The following TTC17 variants were observed in gnomAD, a reference collection of about 807,000 sequenced individuals.
The protein encoded by TTC17 is tetratricopeptide repeat domain 17, also known as tetratricopeptide repeat protein 17.
In TTC17, 58 loss-of-function variants were observed where a neutral mutation model predicts 143.8. The ratio of observed to expected loss-of-function variants is 0.40; its 90% CI spans 0.33 to 0.50. The LOEUF (loss-of-function observed/expected upper bound fraction) is 0.50, where lower values mean the gene tolerates loss of function less well. Ranked by LOEUF, TTC17 falls within the 20% of genes least tolerant of loss-of-function variation. TTC17 has a pLI of 0.49. For synonymous variants in TTC17, 501 were observed against 497.8 expected (o/e 1.01, Z -0.09); for missense variants, 1,273 against 1,392.5 (o/e 0.91, Z 1.37).
intron 1 of TTC17, among the ~76,000 whole-genome samples, chr11:43,364,405 A>C (rs1031689599): frequency 6.6e-6 from 1 of 152,154 alleles, no homozygotes; most frequent in Admixed American, 6.5e-5. Context: ...TCTGATGTTA[A>C]GTAATTTGGT....
chr11:43,380,004 T>C (rs1433285834), intron 2 of TTC17, among the ~76,000 whole-genome samples: 1 of 151,794 alleles, frequency 6.6e-6, no homozygotes, highest in Non-Finnish European at 1.5e-5. Flanking sequence ...GTAAATAAAC[T>C]GTAAGTTGTA....
At position 43,379,075 on chromosome 11, in the gene TTC17, T is replaced by G. The variant is rs1345769586; in HGVS notation, c.160-158T>G. 4.3e-6 allele frequency: 3 copies of G among 696,368 alleles called. No individual in the cohort carries two copies. The Admixed American group carries it at 8.1e-5, about 19-fold the overall frequency. 43.1% of individuals were successfully genotyped at this position (696,368 alleles called of 1,614,324 possible). On this transcript the variant is annotated intron_variant, in intron 1 of 23. Coordinates refer to ENST00000039989, the MANE Select transcript of TTC17 (RefSeq NM_018259.6). ...CACTTGTCATTCCCTTTGCTAACAT[T>G]TACATGTGATCACTTTGAAATACTC... is the stretch of plus-strand genomic sequence containing the variant.
At chr11:43,465,835 T>C (rs924427951) in intron 21 of TTC17, among the ~76,000 whole-genome samples, 2 of 151,208 alleles carry the variant, frequency 1.3e-5, no homozygotes, top group Non-Finnish European at 2.9e-5. Flanking sequence ...TGTACAACTC[T>C]TGGAAGAAAA....
intron 1 of TTC17, among the ~76,000 whole-genome samples, chr11:43,361,654 C>T (rs142190029): frequency 2.6e-5 from 4 of 152,320 alleles, no homozygotes; most frequent in Non-Finnish European, 2.9e-5. Flanking sequence ...ATTGTAAAGT[C>T]AAGAAATTAT....
intron 16 of TTC17, among the ~76,000 whole-genome samples, chr11:43,434,094 C>G (rs1416582732): frequency 2.0e-5 from 3 of 151,980 alleles, no homozygotes; most frequent in African/African-American, 7.2e-5. Context: ...TCTGTCCTGT[C>G]ATAGGAGAAT....
intron 21 of TTC17, among the ~76,000 whole-genome samples, chr11:43,453,376 A>G (rs922916888): frequency 6.7e-6 from 1 of 149,814 alleles, no homozygotes; most frequent in Non-Finnish European, 1.5e-5. Context: ...ATCTTGGAAG[A>G]AAAAAAAAAG....
chr11:43,449,787 C>CTA (rs1947621218), intron 19 of TTC17: 1 of 311,800 alleles, frequency 3.2e-6, no homozygotes, highest in Non-Finnish European at 6.0e-6. Context: ...GGCTGTATCT[C>CTA]TATAAGATTT....
At chr11:43,407,062 T>A in intron 13 of TTC17, 76 bp from the exon 14 acceptor site, 1 of 969,000 alleles carries the variant, frequency 1.0e-6, no homozygotes, top group South Asian at 1.6e-5. Context: ...AAGAAAAGAC[T>A]GCCATCTATA....
At chr11:43,360,663 A>G (rs61883521) in intron 1 of TTC17, among the ~76,000 whole-genome samples, 26,017 of 152,034 alleles carry the variant, frequency 0.17, 2,933 homozygotes, top group Non-Finnish European at 0.24. Context: ...GCTGGTAGAA[A>G]TGTTTTATGT....
intron 16 of TTC17, among the ~76,000 whole-genome samples, chr11:43,415,749 T>TC (rs1946764289): frequency 6.6e-6 from 1 of 152,182 alleles, no homozygotes; most frequent in African/African-American, 2.4e-5. Context: ...TGATAGACGG[T>TC]AAGTAGTGCT....
chr11:43,379,613 TC>T (rs1856889075), intron 2 of TTC17, among the ~76,000 whole-genome samples: 1 of 152,176 alleles, frequency 6.6e-6, no homozygotes, highest in African/African-American at 2.4e-5. Flanking sequence ...TTAAGTTTTT[TC>T]CATCAAATAT....
intron 2 of TTC17, among the ~76,000 whole-genome samples, chr11:43,384,625 C>T (rs560022516): frequency 6.6e-6 from 1 of 152,150 alleles, no homozygotes; most frequent in Non-Finnish European, 1.5e-5. Context: ...CACCACTGCA[C>T]TCTAGCAGCC....
chr11:43,389,293 G>A (rs903699601), intron 2 of TTC17, among the ~76,000 whole-genome samples: 2 of 152,178 alleles, frequency 1.3e-5, no homozygotes, highest in Non-Finnish European at 2.9e-5. Flanking sequence ...GGTACCAATA[G>A]CAACATGTAC....
At chr11:43,470,054 T>C (rs1287414210) in intron 21 of TTC17, among the ~76,000 whole-genome samples, 1 of 152,114 alleles carries the variant, frequency 6.6e-6, no homozygotes, top group Non-Finnish European at 1.5e-5. Context: ...CGGTAACATC[T>C]TCCAAAGTAA....
chr11:43,409,230 T>C (rs1012487808), intron 15 of TTC17, among the ~76,000 whole-genome samples: 1 of 152,242 alleles, frequency 6.6e-6, no homozygotes, highest in African/African-American at 2.4e-5. Context: ...TGAATTGATA[T>C]GCCACAACCT....
intron 21 of TTC17, among the ~76,000 whole-genome samples, chr11:43,458,049 C>T (rs910706510): frequency 6.6e-6 from 1 of 152,226 alleles, no homozygotes; most frequent in East Asian, 1.9e-4. Context: ...ATTTCTGTAT[C>T]AGTTACCTAT....
intron 3 of TTC17, among the ~76,000 whole-genome samples, chr11:43,390,629 A>C: frequency 6.6e-6 from 1 of 151,394 alleles, no homozygotes; most frequent in South Asian, 2.1e-4. Context: ...AAAAATAAAA[A>C]ATAAAAAATA....
At position 43,400,349 on chromosome 11, in the gene TTC17, A is replaced by G. The variant is rs572660250; in HGVS notation, c.1219+301A>G. On this transcript the variant is annotated intron_variant, in intron 9 of 23. Coordinates refer to ENST00000039989, the MANE Select transcript of TTC17 (RefSeq NM_018259.6). Reference sequence around the variant, plus strand: ...AGTTTTTTTTCCTACCCTAATATGCATATCAGTCTCCTGGAGATCTTGTTG... The same window carrying G: ...AGTTTTTTTTCCTACCCTAATATGCGTATCAGTCTCCTGGAGATCTTGTTG... 4.6e-5 allele frequency among the ~76,000 whole-genome samples: 7 copies of G among 152,300 alleles called. No individual in the cohort carries two copies. In the South Asian group the frequency reaches 6.2e-4, roughly 14 times the overall value.
chr11:43,493,491 G>A (rs1564988803), intron 23 of TTC17, among the ~76,000 whole-genome samples: 1 of 152,136 alleles, frequency 6.6e-6, no homozygotes, highest in Non-Finnish European at 1.5e-5. Context: ...AATTATTACT[G>A]TTGCTGGGTT....
Sources: gnomAD v4.1 joint callset for allele counts (sites outside exome capture counted in the v4.1 genomes callset) on GRCh38, gnomAD v4.1.1 for gene constraint, MANE v1.5 for transcripts, NCBI Gene and HGNC (gene_info 2026-07-23, HGNC 2026-07-21) for gene names.